The following SORBS3 variants were observed in gnomAD, a reference collection of about 807,000 sequenced individuals.
SORBS3 encodes the protein sorbin and SH3 domain containing 3, also known as vinexin.
SORBS3 carries 69 observed loss-of-function variants against 98.0 expected under a neutral mutation model. The ratio of observed to expected loss-of-function variants is 0.70; its 90% CI spans 0.58 to 0.86. The LOEUF is 0.86. Ranked by LOEUF, SORBS3 falls within the 40% of genes least tolerant of loss-of-function variation. The pLI is 0.00. For synonymous variants in SORBS3, 394 were observed against 355.4 expected (o/e 1.11, Z -1.22); for missense variants, 954 against 908.5 (o/e 1.05, Z -0.64).
At chr8:22,548,071 C>T (rs1229473651), upstream of SORBS3, among the ~76,000 whole-genome samples, 1 of 152,230 alleles carries the variant, frequency 6.6e-6, no homozygotes, top group East Asian at 1.9e-4. Flanking sequence ...CTGTCAGGCC[C>T]CAATACCCAT....
At chr8:22,571,598 C>T (rs916579777) in intron 18 of SORBS3, 120 bp from the exon 19 acceptor site, 8 of 719,260 alleles carry the variant, frequency 1.1e-5, no homozygotes, top group South Asian at 1.6e-5. Flanking sequence ...AAGATGAAGC[C>T]GTTTGTAAGG....
rs1840348279 is a variant in SORBS3, at chr8:22,563,924, G to A, written c.585-63G>A. On this transcript the variant is annotated intron_variant, in intron 7 of 20. Coordinates refer to ENST00000240123, the MANE Select transcript of SORBS3 (RefSeq NM_005775.5). The stretch of plus-strand genomic sequence containing the variant: ...GACAAGGGCAGGGTGAGAGGGCTGT[G>A]TGCTGGCTTCTGCCTCAGTCTCCCT... 4 of 1,278,498 alleles carry A rather than the reference G, an allele frequency of 3.1e-6. No individual in the cohort carries two copies. The Admixed American group carries it at 5.0e-5, about 16-fold the overall frequency. 79.2% of individuals were successfully genotyped at this position (1,278,498 alleles called of 1,614,324 possible). A position where few individuals can be genotyped will look rare whatever the true frequency, so the allele number is the denominator to read the frequency against.
chr8:22,551,321 G>C (rs1012860842), upstream of SORBS3, among the ~76,000 whole-genome samples: 11 of 152,128 alleles, frequency 7.2e-5, no homozygotes, highest in Non-Finnish European at 1.3e-4. This position sits in a 1 kb window ranked among gnomAD's most constrained non-coding sequence, Gnocchi z 5.8. Context: ...CGGAGGGGCG[G>C]CGGGGCCTTC....
At chr8:22,563,391 G>T (rs1334832856) in intron 7 of SORBS3, among the ~76,000 whole-genome samples, 1 of 152,192 alleles carries the variant, frequency 6.6e-6, no homozygotes, top group Non-Finnish European at 1.5e-5. Flanking sequence ...TGCAGTGGCT[G>T]GGGTGGTCTC....
At chr8:22,563,416 T>C (rs2117252210) in intron 7 of SORBS3, among the ~76,000 whole-genome samples, 1 of 147,248 alleles carries the variant, frequency 6.8e-6, no homozygotes, top group East Asian at 2.0e-4. Flanking sequence ...ACAGAGTCAC[T>C]GAATCCAGCA....
At chr8:22,569,310 AG>A in intron 17 of SORBS3, 37 bp downstream of exon 17, 2 of 1,529,222 alleles carry the variant, frequency 1.3e-6, no homozygotes, top group Non-Finnish European at 1.8e-6. Flanking sequence ...GGGTGGGGGC[AG>A]GTGAAGATGT....
chr8:22,561,583 T>C lies in SORBS3; in HGVS notation c.517+210T>C, dbSNP rs187008670. On this transcript the variant is annotated intron_variant, in intron 6 of 20. Coordinates refer to ENST00000240123, the MANE Select transcript of SORBS3 (RefSeq NM_005775.5). The stretch of plus-strand genomic sequence containing the variant: ...CAGCTTGCACGGGGAACGCGCGCTC[T>C]GCCACTCCCTGGCCGGGATTTCTCT... 20 of 621,768 alleles carry C rather than the reference T, an allele frequency of 3.2e-5. No individual in the cohort carries two copies. In the Middle Eastern group the frequency reaches 1.7e-3, roughly 52 times the overall value. The allele number at this position is 621,768 out of a possible 1,614,324, so 38.5% of individuals were successfully genotyped here. A position where few individuals can be genotyped will look rare whatever the true frequency, so the allele number is the denominator to read the frequency against.
intron 4 of SORBS3, among the ~76,000 whole-genome samples, chr8:22,557,232 G>C (rs190946616): frequency 1.3e-5 from 2 of 152,126 alleles, no homozygotes; most frequent in Non-Finnish European, 2.9e-5. Flanking sequence ...GGCCTGTCAC[G>C]ACGCTCATGA....
chr8:22,569,982 A>T (rs1840529235), intron 17 of SORBS3, among the ~76,000 whole-genome samples: 1 of 152,214 alleles, frequency 6.6e-6, no homozygotes, highest in South Asian at 2.1e-4. Flanking sequence ...AGCAGAAAGC[A>T]CTTTATCATA....
rs1840701646 is a variant in SORBS3, at chr8:22,575,144, C to T, written c.*416C>T. 1 of 327,224 alleles carries T rather than the reference C, an allele frequency of 3.1e-6. No homozygotes were observed. 20.3% of individuals were successfully genotyped at this position (327,224 alleles called of 1,614,324 possible). ...TCCTAGCCTCGTAGAGACCAAAGGCCGCCCCCGCCTGCTGGGGTTCCTCCC... is the reference window on the plus strand; with the variant it reads ...TCCTAGCCTCGTAGAGACCAAAGGCTGCCCCCGCCTGCTGGGGTTCCTCCC... On this transcript the variant is annotated 3_prime_UTR_variant, in exon 21 of 21. Transcript: ENST00000240123.
In SORBS3 at chr8:22,554,323, G is replaced by C; in HGVS notation, c.-55-129G>C. On this transcript the variant is annotated intron_variant, in intron 1 of 20. Coordinates refer to ENST00000240123, the MANE Select transcript of SORBS3 (RefSeq NM_005775.5). This position sits in a 1 kb window ranked among gnomAD's most constrained non-coding sequence, Gnocchi z 6.5. The stretch of plus-strand genomic sequence containing the variant: ...GGCGTGGCCTGTTTCCTGGGTCCTT[G>C]AGCTAGTACCCAGCTGGTCCTGACC... 1.0e-6 allele frequency: 1 copy of C among 974,494 alleles called. No homozygotes were observed. Among genetic ancestry groups the C allele is most frequent in the South Asian group, 1.8e-5 (1 of 54,532 alleles). 60.4% of individuals were successfully genotyped at this position (974,494 alleles called of 1,614,324 possible). A position where few individuals can be genotyped will look rare whatever the true frequency, so the allele number is the denominator to read the frequency against.
intron 17 of SORBS3, among the ~76,000 whole-genome samples, chr8:22,570,600 T>G (rs1415892791): frequency 1.3e-5 from 2 of 152,162 alleles, no homozygotes; most frequent in Non-Finnish European, 2.9e-5. Context: ...TGGATCTGTA[T>G]TATTAGCCAC....
In SORBS3 at chr8:22,574,814, C is replaced by A; in HGVS notation, c.*86C>A. The A allele has an allele frequency of 7.6e-7, 1 of 1,319,744 alleles. No homozygotes were observed. Among genetic ancestry groups the A allele is most frequent in the Non-Finnish European group, 1.1e-6 (1 of 913,632 alleles). 81.8% of individuals were successfully genotyped at this position (1,319,744 alleles called of 1,614,324 possible). A position where few individuals can be genotyped will look rare whatever the true frequency, so the allele number is the denominator to read the frequency against. ...GAGGGAGAGGACCCCCGCCCACATC[C>A]TCCTTCCCCAGGACCTGAGCTCCCA... On this transcript the variant is annotated 3_prime_UTR_variant, in exon 21 of 21. Coordinates refer to ENST00000240123, the MANE Select transcript of SORBS3 (RefSeq NM_005775.5).
At chr8:22,550,023 C>T (rs914578474), upstream of SORBS3, 6 of 985,148 alleles carry the variant, frequency 6.1e-6, no homozygotes, top group East Asian at 1.1e-4. Context: ...AAAGTGAAAG[C>T]GATGTGGTCC....
At chr8:22,555,129 G>A (rs1478881847) in intron 3 of SORBS3, 149 bp downstream of exon 3, 1 of 689,054 alleles carries the variant, frequency 1.5e-6, no homozygotes, top group Admixed American at 2.5e-5. Flanking sequence ...GGCTCACTAT[G>A]AGCCCCTCCC....
intron 20 of SORBS3, among the ~76,000 whole-genome samples, chr8:22,574,012 G>A (rs1434526406): frequency 3.0e-4 from 45 of 152,156 alleles, no homozygotes; most frequent in Non-Finnish European, 1.5e-5. Context: ...CGGCAACCCC[G>A]GCCTGGGTCC....
rs1586888837 is a variant in SORBS3 at position 22,554,153 on chromosome 8, A to G, written c.-55-299A>G. ...GCTGCACCCGTGCAGGGAGAGCCCCACGGGCTCCTGGCCAGCCCCTCCCCT... is the reference window on the plus strand; with the variant it reads ...GCTGCACCCGTGCAGGGAGAGCCCCGCGGGCTCCTGGCCAGCCCCTCCCCT... On this transcript the variant is annotated intron_variant, in intron 1 of 20. Coordinates refer to ENST00000240123, the MANE Select transcript of SORBS3 (RefSeq NM_005775.5). The surrounding 1 kb of genome is among the most constrained non-coding windows in gnomAD (Gnocchi z 6.5). 1 of 212,634 alleles carries G rather than the reference A, an allele frequency of 4.7e-6. No individual in the cohort carries two copies. The allele number at this position is 212,634 out of a possible 1,614,324, so 13.2% of individuals were successfully genotyped here. A position where few individuals can be genotyped will look rare whatever the true frequency, so the allele number is the denominator to read the frequency against.
Position 22,566,420 on chromosome 8 carries a change from A to C in SORBS3, c.1026A>C (p.Lys342Asn). 1 of 1,614,022 alleles carries C rather than the reference A, an allele frequency of 6.2e-7. No homozygotes were observed. The highest frequency in any genetic ancestry group is 8.5e-7 in the Non-Finnish European group (1 of 1,179,956). ...LGSARSLSPH[K>N]MADGGSPFLG... ...CCGCCCGGTCCCTGAGTCCCCACAAAATGGCTGATGGAGGAAGCCCCTTCC... is the reference window on the plus strand; with the variant it reads ...CCGCCCGGTCCCTGAGTCCCCACAACATGGCTGATGGAGGAAGCCCCTTCC... The change falls in exon 13 of 21, where the codon AAA becomes AAC. Residue 342 changes from lysine to asparagine, a missense_variant. By Grantham distance (94) the Lys-to-Asn change is moderately conservative. Transcript: ENST00000240123.
intron 5 of SORBS3, among the ~76,000 whole-genome samples, chr8:22,560,239 G>A (rs1840264234): frequency 6.6e-6 from 1 of 152,042 alleles, no homozygotes; most frequent in African/African-American, 2.4e-5. Context: ...TATTTGGCAG[G>A]CTGAGGAGTT....
Sources: allele counts gnomAD v4.1 joint callset (sites outside exome capture counted in the v4.1 genomes callset), GRCh38; gene constraint gnomAD v4.1.1; non-coding constraint Gnocchi (gnomAD v3.1); transcripts MANE v1.5; gene names NCBI Gene and HGNC (gene_info 2026-07-23, HGNC 2026-07-21).